The following TNKS variants were observed in gnomAD, a reference collection of about 807,000 sequenced individuals.
The protein encoded by TNKS is poly [ADP-ribose] polymerase tankyrase-1.
In TNKS, 72 loss-of-function variants were observed where a neutral mutation model predicts 135.8. The ratio of observed to expected loss-of-function variants is 0.53; its 90% confidence interval spans 0.44 to 0.64. The LOEUF (loss-of-function observed/expected upper bound fraction) is 0.64, where lower values mean the gene tolerates loss of function less well. Among genes scored for constraint, TNKS ranks in the 30% least tolerant of loss-of-function variants. The pLI is 0.00. For missense variants in TNKS, 1,769 were observed against 1,674.0 expected, an observed-to-expected ratio of 1.06 and a Z score of -0.99; for synonymous variants, 849 against 649.3, an observed-to-expected ratio of 1.31 and a Z score of -4.68.
chr8:9,605,550 A>G (rs1015182391), intron 2 of TNKS, among the ~76,000 whole-genome samples: 3 of 152,120 alleles, frequency 2.0e-5, no homozygotes, highest in African/African-American at 4.8e-5. Context: ...ATATTTAGCT[A>G]TATAAGGAAC....
intron 2 of TNKS, among the ~76,000 whole-genome samples, chr8:9,601,153 A>C (rs1799002077): frequency 6.6e-6 from 1 of 152,224 alleles, no homozygotes; most frequent in Admixed American, 6.5e-5. Flanking sequence ...AGAAATGTAT[A>C]AAATAGAAAG....
chr8:9,620,967 A>G (rs1281954662), intron 3 of TNKS, among the ~76,000 whole-genome samples: 2 of 152,228 alleles, frequency 1.3e-5, no homozygotes, highest in Non-Finnish European at 2.9e-5. Flanking sequence ...TCAAATAAAT[A>G]TGTCTAAGGT....
At chr8:9,670,774 A>G (rs1387274444) in intron 3 of TNKS, 1 of 152,220 alleles carries the variant, frequency 6.6e-6, no homozygotes, top group African/African-American at 2.4e-5. Context: ...TCATGCATAC[A>G]AAGCCTTGCT....
intron 3 of TNKS, chr8:9,658,189 C>G (rs1477121276): frequency 8.0e-6 from 2 of 248,812 alleles, no homozygotes; most frequent in South Asian, 2.4e-4. Context: ...TCCTCACATC[C>G]CAGACGATGG....
intron 5 of TNKS, among the ~76,000 whole-genome samples, chr8:9,697,759 G>A (rs1412816311): frequency 6.6e-6 from 1 of 152,094 alleles, no homozygotes; most frequent in African/African-American, 2.4e-5. Context: ...CACTCAGAAT[G>A]GCTGTTATTA....
intron 3 of TNKS, among the ~76,000 whole-genome samples, chr8:9,645,916 C>G (rs987653826): frequency 6.6e-6 from 1 of 152,100 alleles, no homozygotes; most frequent in Non-Finnish European, 1.5e-5. Context: ...CATTGTTTCT[C>G]TGATTTGACA....
chr8:9,593,391 G>T (rs1001386809), intron 2 of TNKS, among the ~76,000 whole-genome samples: 1 of 152,144 alleles, frequency 6.6e-6, no homozygotes, highest in Admixed American at 6.5e-5. Flanking sequence ...AGAAATGAAG[G>T]TTCTGTTCAC....
intron 1 of TNKS, chr8:9,556,827 G>C (rs916235383): frequency 1.7e-6 from 1 of 593,358 alleles, no homozygotes; most frequent in African/African-American, 1.9e-5. Flanking sequence ...ATTCTTCAGT[G>C]GTTGCACAGT....
At chr8:9,660,463 G>A (rs1471572616) in intron 3 of TNKS, among the ~76,000 whole-genome samples, 6 of 152,094 alleles carry the variant, frequency 3.9e-5, no homozygotes, top group African/African-American at 1.2e-4. Flanking sequence ...AATCCAGCAT[G>A]TAAAGAGAAC....
At chr8:9,614,088 C>T (rs1235527572) in intron 2 of TNKS, among the ~76,000 whole-genome samples, 1 of 152,120 alleles carries the variant, frequency 6.6e-6, no homozygotes, top group East Asian at 1.9e-4. Context: ...GCATTTGATA[C>T]TTGAGTCTGC....
intron 3 of TNKS, among the ~76,000 whole-genome samples, chr8:9,631,192 G>A (rs1230080562): frequency 6.6e-6 from 1 of 152,084 alleles, no homozygotes; most frequent in East Asian, 1.9e-4. Flanking sequence ...ATAACATTAT[G>A]ATTATAATAC....
intron 3 of TNKS, among the ~76,000 whole-genome samples, chr8:9,668,471 G>T (rs1802107563): frequency 6.6e-6 from 1 of 152,164 alleles, no homozygotes; most frequent in Non-Finnish European, 1.5e-5. Flanking sequence ...TACACATAAT[G>T]GTTAGAAATA....
In TNKS at chr8:9,748,139, C is replaced by G. The variant is rs543753092; in HGVS notation, c.2759C>G (p.Ala920Gly). ...CAGAAAGGAAGGACGCAGCTGTGCGCCCTCCTCCTAGCGCATGGTGCAGAC... is the reference window on the plus strand; with the variant it reads ...CAGAAAGGAAGGACGCAGCTGTGCGGCCTCCTCCTAGCGCATGGTGCAGAC... ...AAQKGRTQLC[A>G]LLLAHGADPT... Residue 920 changes from alanine (A) to glycine (G), a missense_variant, in exon 18 of 27, where the codon GCC becomes GGC. Physicochemically the swap from Ala to Gly is moderately conservative, Grantham distance 60 (BLOSUM62 0). This residue lies in a region of TNKS where 722 missense variants were observed against 688.9 expected (regional missense o/e 1.05). Transcript: ENST00000310430. 2 of 1,614,118 alleles carry G rather than the reference C, an allele frequency of 1.2e-6. No individual in the cohort carries two copies. Among genetic ancestry groups the G allele is most frequent in the Non-Finnish European group, 1.7e-6 (2 of 1,180,014 alleles).
At chr8:9,598,761 GTGTGTATATATATATATATA>G (rs1798895042) in intron 2 of TNKS, among the ~76,000 whole-genome samples, 4 of 67,252 alleles carry the variant, frequency 5.9e-5, no homozygotes, top group African/African-American at 2.3e-4. Context: ...GTATATGTGT[GTGTGTATATATATATATATA>G]TATATATATA....
At chr8:9,640,085 A>T (rs1800668228) in intron 3 of TNKS, among the ~76,000 whole-genome samples, 1 of 152,212 alleles carries the variant, frequency 6.6e-6, no homozygotes, top group African/African-American at 2.4e-5. Context: ...CAATTTTGAT[A>T]GTCTCATATC....
At chr8:9,727,563 C>A (rs1449626555) in intron 13 of TNKS, among the ~76,000 whole-genome samples, 1 of 152,170 alleles carries the variant, frequency 6.6e-6, no homozygotes, top group Non-Finnish European at 1.5e-5. Flanking sequence ...AGGTGTGCAC[C>A]ACTGCACCCA....
At chr8:9,637,741 G>A (rs185547405) in intron 3 of TNKS, among the ~76,000 whole-genome samples, 1,671 of 151,996 alleles carry the variant, frequency 0.011, 11 homozygotes, top group African/African-American at 0.023. Context: ...CTTTGTAAAA[G>A]AAAAACAAAA....
At chr8:9,673,599 A>T (rs1033520929) in intron 3 of TNKS, among the ~76,000 whole-genome samples, 1 of 151,754 alleles carries the variant, frequency 6.6e-6, no homozygotes, top group Admixed American at 6.6e-5. Context: ...ACGTGCCACC[A>T]CGCCCAGCTA....
intron 20 of TNKS, among the ~76,000 whole-genome samples, chr8:9,757,757 C>G (rs1332590123): frequency 1.3e-5 from 2 of 152,198 alleles, no homozygotes; most frequent in African/African-American, 4.8e-5. Flanking sequence ...TTTGGACCAA[C>G]TATGTAACTT....
Sources: allele counts gnomAD v4.1 joint callset (sites outside exome capture counted in the v4.1 genomes callset), GRCh38; gene constraint gnomAD v4.1.1; regional missense constraint gnomAD v4.1.1; transcripts MANE v1.5; gene names NCBI Gene and HGNC (gene_info 2026-07-23, HGNC 2026-07-21).